SPART: variants seen among roughly 807,000 people sequenced by gnomAD.
SPART encodes spartin.
SPART carries 35 observed loss-of-function variants against 58.7 expected under a neutral mutation model. The observed-to-expected ratio is 0.60, with a 90% CI of 0.46 to 0.79. The LOEUF (loss-of-function observed/expected upper bound fraction) is 0.79, where lower values mean the gene tolerates loss of function less well. Ranked by LOEUF, SPART falls within the 30% of genes least tolerant of loss-of-function variation. The pLI, the probability that SPART is intolerant of heterozygous loss-of-function variation, is 0.00. For synonymous variants in SPART, 284 were observed against 280.7 expected, an observed-to-expected ratio of 1.01 and a Z score of -0.12; for missense variants, 730 against 786.1, an observed-to-expected ratio of 0.93 and a Z score of 0.85.
intron 5 of SPART, among the ~76,000 whole-genome samples, chr13:36,319,701 T>C (rs1233538367): frequency 7.0e-6 from 1 of 142,140 alleles, no homozygotes; most frequent in Admixed American, 7.3e-5. Flanking sequence ...TCAAACATGC[T>C]TTCTTTACTA....
chr13:36,324,779 A>G (rs1409562622), intron 5 of SPART, among the ~76,000 whole-genome samples: 1 of 152,186 alleles, frequency 6.6e-6, no homozygotes, highest in Non-Finnish European at 1.5e-5. Context: ...CCGAAAAGAG[A>G]GTCAGCGAAG....
intron 5 of SPART, among the ~76,000 whole-genome samples, chr13:36,322,455 AC>A (rs1882509028): frequency 1.3e-5 from 2 of 152,248 alleles, no homozygotes; most frequent in Non-Finnish European, 2.9e-5. Context: ...TCAAAACAAA[AC>A]AAAACAAAAC....
chr13:36,368,250 G>A (rs1593300241), intron 1 of SPART: 1 of 443,202 alleles, frequency 2.3e-6, no homozygotes, highest in South Asian at 1.7e-5. Flanking sequence ...CAACAACACA[G>A]GTGTGTCCTC....
At chr13:36,369,311 A>G (rs1886185225) in intron 1 of SPART, among the ~76,000 whole-genome samples, 1 of 152,164 alleles carries the variant, frequency 6.6e-6, no homozygotes, top group Non-Finnish European at 1.5e-5. Context: ...TATAACTGAT[A>G]TGTTAGTCTT....
At chr13:36,331,145 T>C (rs1476100682) in intron 3 of SPART, among the ~76,000 whole-genome samples, 2 of 152,160 alleles carry the variant, frequency 1.3e-5, no homozygotes, top group Admixed American at 6.5e-5. Context: ...ATAGAGAAGA[T>C]CAGGAACAGC....
intron 1 of SPART, among the ~76,000 whole-genome samples, chr13:36,337,994 C>T (rs1884187600): frequency 1.3e-5 from 2 of 152,058 alleles, no homozygotes; most frequent in Admixed American, 1.3e-4. Context: ...TGCTGTTGTC[C>T]CTCAAACTGC....
chr13:36,342,988 A>G (rs1884723713), intron 1 of SPART, among the ~76,000 whole-genome samples: 1 of 152,142 alleles, frequency 6.6e-6, no homozygotes, highest in South Asian at 2.1e-4. Context: ...CAGGATGGAA[A>G]AGCCTCCCTA....
chr13:36,327,646 A>C (rs954643969), intron 4 of SPART, among the ~76,000 whole-genome samples: 2 of 152,172 alleles, frequency 1.3e-5, no homozygotes, highest in Non-Finnish European at 2.9e-5. Flanking sequence ...GTGTGTGTGT[A>C]TTTAACTACG....
intron 5 of SPART, among the ~76,000 whole-genome samples, chr13:36,315,777 A>G (rs1339885933): frequency 6.6e-6 from 1 of 152,228 alleles, no homozygotes; most frequent in Non-Finnish European, 1.5e-5. Context: ...CCAGCTGAAC[A>G]TGAAGACTGA....
chr13:36,312,587 A>G (rs1413220904), intron 6 of SPART, 110 bp from the exon 7 acceptor site: 2 of 1,174,146 alleles, frequency 1.7e-6, no homozygotes, highest in Non-Finnish European at 2.5e-6. Context: ...TTTACTATAT[A>G]ATGTTACAAT....
chr13:36,346,778 C>T (rs915460594), upstream of SPART: 3 of 152,490 alleles, frequency 2.0e-5, no homozygotes, highest in Admixed American at 6.5e-5. Context: ...TCTTTCTCTC[C>T]AGCGAAACCG....
chr13:36,322,650 TAA>T (rs1213817498), intron 5 of SPART, among the ~76,000 whole-genome samples: 1 of 152,186 alleles, frequency 6.6e-6, no homozygotes, highest in East Asian at 1.9e-4. Context: ...TATTTCTGGC[TAA>T]GAGAGGGGGA....
At chr13:36,363,854 A>G (rs1040012543) in intron 1 of SPART, among the ~76,000 whole-genome samples, 13 of 152,030 alleles carry the variant, frequency 8.6e-5, no homozygotes, top group Non-Finnish European at 1.3e-4. Context: ...TTTTAAGTGT[A>G]CGTCATCCAG....
At chr13:36,351,260 A>G (rs1885396724), upstream of SPART, among the ~76,000 whole-genome samples, 1 of 152,006 alleles carries the variant, frequency 6.6e-6, no homozygotes, top group Admixed American at 6.6e-5. Context: ...ACTTGAGACC[A>G]GGAGTTCAAG....
chr13:36,309,663 G>A (rs973668193), intron 8 of SPART, among the ~76,000 whole-genome samples: 11 of 152,206 alleles, frequency 7.2e-5, no homozygotes, highest in African/African-American at 2.4e-4. Flanking sequence ...ACTTATAAAT[G>A]GGAAATAAAC....
chr13:36,344,065 GA>G (rs1285551899), intron 1 of SPART, among the ~76,000 whole-genome samples: 2 of 149,858 alleles, frequency 1.3e-5, no homozygotes, highest in African/African-American at 4.9e-5. Flanking sequence ...AGAAAGAAAA[GA>G]AAAATGAAAA....
intron 1 of SPART, among the ~76,000 whole-genome samples, chr13:36,363,224 T>A (rs1250788342): frequency 6.6e-6 from 1 of 152,224 alleles, no homozygotes; most frequent in Non-Finnish European, 1.5e-5. Flanking sequence ...CTGAAAACAA[T>A]AACAACCAAA....
At chr13:36,356,871 T>A (rs1885640643) in intron 1 of SPART, among the ~76,000 whole-genome samples, 2 of 152,220 alleles carry the variant, frequency 1.3e-5, no homozygotes, top group African/African-American at 4.8e-5. Flanking sequence ...TTTACTAAAT[T>A]GAAATTTGTA....
At chr13:36,335,932 C>T (rs531966363) in intron 1 of SPART, 100 bp from the exon 2 acceptor site, 10 of 950,094 alleles carry the variant, frequency 1.1e-5, no homozygotes, top group East Asian at 2.4e-5. Flanking sequence ...AAGTGCCTCG[C>T]TTATCTCTGT....
Sources: gnomAD v4.1 joint callset for allele counts (sites outside exome capture counted in the v4.1 genomes callset) on GRCh38, gnomAD v4.1.1 for gene constraint, MANE v1.5 for transcripts, NCBI Gene and HGNC (gene_info 2026-07-23, HGNC 2026-07-21) for gene names.